STAT4: variants seen among roughly 807,000 people sequenced by gnomAD.
STAT4 encodes signal transducer and activator of transcription 4.
Under a neutral mutation model 110.5 loss-of-function variants are expected in STAT4, and 42 were observed. The observed-to-expected ratio is 0.38, with a 90% CI of 0.30 to 0.49. The LOEUF (loss-of-function observed/expected upper bound fraction) is 0.49. Ranked by LOEUF, STAT4 falls within the 20% of genes least tolerant of loss-of-function variation. STAT4 has a pLI of 0.95. For synonymous variants in STAT4, 284 were observed against 302.2 expected (o/e 0.94, Z 0.63); for missense variants, 632 against 887.9 (o/e 0.71, Z 3.66).
At chr2:191,149,165 A>T (rs1239760918) in intron 1 of STAT4, among the ~76,000 whole-genome samples, 5 of 152,186 alleles carry the variant, frequency 3.3e-5, no homozygotes, top group Non-Finnish European at 1.5e-5. Flanking sequence ...AAGTAAAAAC[A>T]CCAAACCCCC....
intron 3 of STAT4, among the ~76,000 whole-genome samples, chr2:191,123,747 G>T (rs559875145): frequency 7.5e-4 from 114 of 152,308 alleles, no homozygotes; most frequent in African/African-American, 2.6e-3. Flanking sequence ...AATATTGGTT[G>T]TTCATCCTCA....
At chr2:191,141,215 T>G (rs991324573) in intron 3 of STAT4, among the ~76,000 whole-genome samples, 7 of 151,716 alleles carry the variant, frequency 4.6e-5, no homozygotes, top group African/African-American at 1.7e-4. Flanking sequence ...AAAAACCACC[T>G]GTACCCCAAA....
chr2:191,087,003 CTGAT>C (rs1438730610), intron 3 of STAT4, among the ~76,000 whole-genome samples: 1 of 152,090 alleles, frequency 6.6e-6, no homozygotes, highest in African/African-American at 2.4e-5. Flanking sequence ...AGTATAGAGA[CTGAT>C]TGCTCTTGAC....
intron 6 of STAT4, among the ~76,000 whole-genome samples, chr2:191,069,093 A>G (rs1559052610): frequency 6.6e-6 from 1 of 152,092 alleles, no homozygotes; most frequent in Non-Finnish European, 1.5e-5. Flanking sequence ...ATACAATATG[A>G]TTTCATTTTT....
intron 13 of STAT4, among the ~76,000 whole-genome samples, chr2:191,057,581 CTTTT>C (rs56816363): frequency 4.9e-5 from 6 of 121,334 alleles, no homozygotes; most frequent in African/African-American, 1.8e-4. Flanking sequence ...AATTTCTTTT[CTTTT>C]TTTTTTTTTT....
Position 191,039,571 on chromosome 2 carries a change from T to C in STAT4, c.1336-274A>G, listed in dbSNP as rs1048222401. ...TCTCCCCTGACATTGCGGACACATT[T>C]ATACTTTTTAAATGTCACCCACTGT... On this transcript the variant is annotated intron_variant, in intron 15 of 23. Coordinates refer to ENST00000392320, the MANE Select transcript of STAT4 (RefSeq NM_003151.4). This position sits in a 1 kb window ranked among gnomAD's most constrained non-coding sequence, Gnocchi z 4.7. Among the ~76,000 whole-genome samples, 6 of 152,226 alleles carry C rather than the reference T, an allele frequency of 3.9e-5. No individual in the cohort carries two copies. Among genetic ancestry groups the C allele is most frequent in the African/African-American group, 1.4e-4 (6 of 41,470 alleles).
At chr2:191,065,492 G>C (rs921633222) in intron 7 of STAT4, among the ~76,000 whole-genome samples, 10 of 152,110 alleles carry the variant, frequency 6.6e-5, no homozygotes, top group Non-Finnish European at 1.0e-4. Flanking sequence ...CATGAACAAA[G>C]TATTTAATCT....
At position 191,036,280 on chromosome 2, in the gene STAT4, T is replaced by C; in HGVS notation, c.1454A>G (p.Asn485Ser). The C allele has an allele frequency of 6.2e-7, 1 of 1,614,032 alleles. No homozygotes were observed. The highest frequency in any genetic ancestry group is 2.2e-5 in the East Asian group (1 of 44,878). ...TTGACTCAATGTGGCAGGTGGAGGA[T>C]TATTAAAGAAAACCAAGTTCTGAAA... ...NDSQNLVFFN[N>S]PPPATLSQLL... is the part of the protein sequence containing the mutation. The change falls in exon 17 of 24, where the codon AAT (asparagine) becomes AGT (serine). Residue 485 changes from asparagine to serine, a missense_variant. Asn to Ser is a conservative substitution (Grantham distance 46, BLOSUM62 1). Around this residue, in one of 4 missense-constraint regions of STAT4, gnomAD observed 488 missense variants for 632.8 expected, o/e 0.77. Transcript: ENST00000392320.
At chr2:191,076,940 C>T (rs1186817776) in intron 3 of STAT4, among the ~76,000 whole-genome samples, 1 of 152,072 alleles carries the variant, frequency 6.6e-6, no homozygotes, top group Non-Finnish European at 1.5e-5. Context: ...AGTTACTTTC[C>T]TATAAATTAT....
intron 3 of STAT4, among the ~76,000 whole-genome samples, chr2:191,101,455 A>T (rs913596001): frequency 6.6e-6 from 1 of 152,180 alleles, no homozygotes; most frequent in Non-Finnish European, 1.5e-5. Context: ...GTTTAAAAGG[A>T]ATAAAAGAAT....
At position 191,053,381 on chromosome 2, in the gene STAT4, C is replaced by T. The variant is rs939401858; in HGVS notation, c.1251+1109G>A. ...TTTCCTCATCAGTTCATTTGCCAAA[C>T]GTCACATTTTCAGGCCCTGGCAGAG... On this transcript the variant is annotated intron_variant, in intron 14 of 23. Transcript: ENST00000392320. The surrounding 1 kb of genome is among the most constrained non-coding windows in gnomAD (Gnocchi z 4.5). Among the ~76,000 whole-genome samples the T allele has an allele frequency of 8.5e-5, 13 of 152,182 alleles. No individual in the cohort carries two copies. The highest frequency in any genetic ancestry group is 2.9e-4 in the African/African-American group (12 of 41,446).
At chr2:191,055,644 C>T (rs951366280) in intron 13 of STAT4, among the ~76,000 whole-genome samples, 4 of 152,152 alleles carry the variant, frequency 2.6e-5, no homozygotes, top group Admixed American at 6.5e-5. Context: ...TGAGCCACCA[C>T]GCCCAGCTGA....
chr2:191,148,338 G>C, intron 1 of STAT4, 134 bp from the exon 2 acceptor site: 6 of 1,177,986 alleles, frequency 5.1e-6, no homozygotes, highest in Non-Finnish European at 6.9e-6. Flanking sequence ...ATTTCACTAA[G>C]GTTTTTTTTC....
rs373931421 is a variant in STAT4 at position 191,148,044 on chromosome 2, T to C, written c.128+32A>G. On this transcript the variant is annotated intron_variant, in intron 2 of 23. Transcript: ENST00000392320. The stretch of plus-strand genomic sequence containing the variant: ...GGATAGAGCATCAGACATTTGTGCA[T>C]CAACTTCTAGGGAAAATATGTTTGA... 4 of 1,612,446 alleles carry C rather than the reference T, an allele frequency of 2.5e-6. No individual in the cohort carries two copies. The African/African-American group carries it at 4.0e-5, about 16-fold the overall frequency.
In STAT4 at chr2:191,150,430, C is replaced by T. The variant is rs1365432441; in HGVS notation, c.-2+517G>A. Among the ~76,000 whole-genome samples, 6 of 152,320 alleles carry T rather than the reference C, an allele frequency of 3.9e-5. No homozygotes were observed. The East Asian group carries it at 5.8e-4, about 15-fold the overall frequency. On this transcript the variant is annotated intron_variant, in intron 1 of 23. Coordinates refer to ENST00000392320, the MANE Select transcript of STAT4 (RefSeq NM_003151.4). This position sits in a 1 kb window ranked among gnomAD's most constrained non-coding sequence, Gnocchi z 6.4. ...TTCCTAGAAGATCCCACTAAAGGGG[C>T]ATTTTGTCCCACCGTCTGTGAGCTG...
At chr2:191,114,539 T>A (rs926814723) in intron 3 of STAT4, among the ~76,000 whole-genome samples, 3 of 152,212 alleles carry the variant, frequency 2.0e-5, no homozygotes, top group Non-Finnish European at 2.9e-5. Flanking sequence ...AAGTCACAAC[T>A]CTCAGTTGCA....
chr2:191,151,081 C>A, upstream of STAT4: 2 of 985,470 alleles, frequency 2.0e-6, no homozygotes, highest in Non-Finnish European at 2.4e-6. This position sits in a 1 kb window ranked among gnomAD's most constrained non-coding sequence, Gnocchi z 4.7. Context: ...TTGAGGCTTT[C>A]CTGTGCGTCA....
At chr2:191,151,130 A>G (rs949011532), upstream of STAT4, 2 of 985,278 alleles carry the variant, frequency 2.0e-6, no homozygotes, top group Non-Finnish European at 2.4e-6. This position sits in a 1 kb window ranked among gnomAD's most constrained non-coding sequence, Gnocchi z 4.7. Flanking sequence ...GTCAGTTCCC[A>G]CCCACTCTAT....
In STAT4 at chr2:191,031,614, A is replaced by G. The variant is rs901030927; in HGVS notation, c.2045-98T>C. The G allele has an allele frequency of 2.1e-6, 2 of 958,418 alleles. No homozygotes were observed. The highest frequency in any genetic ancestry group is 3.2e-6 in the Non-Finnish European group (2 of 623,906). The allele number at this position is 958,418 out of a possible 1,614,324, so 59.4% of individuals were successfully genotyped here. On this transcript the variant is annotated intron_variant, in intron 21 of 23. Coordinates refer to ENST00000392320, the MANE Select transcript of STAT4 (RefSeq NM_003151.4). The surrounding 1 kb of genome is among the most constrained non-coding windows in gnomAD (Gnocchi z 4.8). The stretch of plus-strand genomic sequence containing the variant: ...CTAGAAAAATATTAACAATGATAAG[A>G]GGAAGAGAGATAACGCAGTTGTTCG...
Sources: allele counts gnomAD v4.1 joint callset (sites outside exome capture counted in the v4.1 genomes callset), GRCh38; gene constraint gnomAD v4.1.1; regional missense constraint gnomAD v4.1.1; non-coding constraint Gnocchi (gnomAD v3.1); transcripts MANE v1.5; gene names NCBI Gene and HGNC (gene_info 2026-07-23, HGNC 2026-07-21).